EFCAB5: variants seen among roughly 807,000 people sequenced by gnomAD.
The protein encoded by EFCAB5 is EF-hand calcium-binding domain-containing protein 5.
Under a neutral mutation model 167.9 loss-of-function variants are expected in EFCAB5, and 131 were observed. The ratio of observed to expected loss-of-function variants is 0.78; its 90% CI spans 0.68 to 0.90. The LOEUF (loss-of-function observed/expected upper bound fraction) is 0.90. Among genes scored for constraint, EFCAB5 ranks in the 40% least tolerant of loss-of-function variants. The pLI, the probability that EFCAB5 is intolerant of heterozygous loss-of-function variation, is 0.00. For missense variants in EFCAB5, 1,663 were observed against 1,745.2 expected (o/e 0.95, Z 0.84); for synonymous variants, 574 against 602.8 (o/e 0.95, Z 0.70).
intron 7 of EFCAB5, among the ~76,000 whole-genome samples, chr17:30,007,091 G>T (rs889705944): frequency 6.6e-6 from 1 of 152,112 alleles, no homozygotes; most frequent in Non-Finnish European, 1.5e-5. Flanking sequence ...ATCAAAACCA[G>T]AAGAATGGAA....
At chr17:29,997,764 A>G (rs1238246388) in intron 6 of EFCAB5, among the ~76,000 whole-genome samples, 1 of 152,152 alleles carries the variant, frequency 6.6e-6, no homozygotes, top group Non-Finnish European at 1.5e-5. Flanking sequence ...ATGTGCAAGA[A>G]TTCCATGTGT....
At chr17:29,978,084 T>C (rs1597611472) in intron 4 of EFCAB5, among the ~76,000 whole-genome samples, 1 of 152,328 alleles carries the variant, frequency 6.6e-6, no homozygotes, top group South Asian at 2.1e-4. Flanking sequence ...CTTCCTGAGT[T>C]GCCAGGAGAC....
At chr17:30,055,333 GA>G (rs2070225449) in intron 10 of EFCAB5, among the ~76,000 whole-genome samples, 3 of 136,000 alleles carry the variant, frequency 2.2e-5, no homozygotes, top group South Asian at 2.5e-4. Context: ...AGGAAGGAAG[GA>G]AGGAAGGAAG....
chr17:30,087,256 C>T (rs2071107903), intron 19 of EFCAB5, 90 bp downstream of exon 19: 3 of 975,680 alleles, frequency 3.1e-6, no homozygotes, highest in East Asian at 2.5e-5. Context: ...GACTCTTGCT[C>T]ATACACGCTG....
At chr17:30,098,305 G>A (rs181525700) in intron 22 of EFCAB5, among the ~76,000 whole-genome samples, 53 of 151,450 alleles carry the variant, frequency 3.5e-4, no homozygotes, top group Admixed American at 2.9e-3. Context: ...TGGGCTGATC[G>A]CTTGAGCCCA....
chr17:30,014,106 T>C (rs945475743), intron 7 of EFCAB5, among the ~76,000 whole-genome samples: 1 of 152,174 alleles, frequency 6.6e-6, no homozygotes, highest in Non-Finnish European at 1.5e-5. Flanking sequence ...CACGTAGTTG[T>C]GTGGTTTTGA....
intron 14 of EFCAB5, among the ~76,000 whole-genome samples, chr17:30,074,991 A>G (rs1418307123): frequency 6.6e-6 from 1 of 152,098 alleles, no homozygotes; most frequent in Non-Finnish European, 1.5e-5. Flanking sequence ...ACACATTTAT[A>G]TCTGTACATA....
chr17:30,079,396 T>C (rs752824315), intron 15 of EFCAB5, among the ~76,000 whole-genome samples: 1 of 152,130 alleles, frequency 6.6e-6, no homozygotes, highest in African/African-American at 2.4e-5. Flanking sequence ...CCCAAATATA[T>C]AGAAAGAGGA....
At chr17:30,031,567 G>A (rs1030246547) in intron 7 of EFCAB5, among the ~76,000 whole-genome samples, 6 of 152,152 alleles carry the variant, frequency 3.9e-5, no homozygotes, top group African/African-American at 1.4e-4. Flanking sequence ...AACTCAGTGA[G>A]GTAACTACTA....
chr17:30,038,471 T>C (rs546527099), intron 8 of EFCAB5, among the ~76,000 whole-genome samples: 20 of 152,230 alleles, frequency 1.3e-4, no homozygotes, highest in Non-Finnish European at 2.5e-4. Flanking sequence ...TGCGCCTGGT[T>C]AACCAAGAGC....
chr17:30,016,080 T>C (rs1303886273), intron 7 of EFCAB5, among the ~76,000 whole-genome samples: 1 of 152,208 alleles, frequency 6.6e-6, no homozygotes, highest in Non-Finnish European at 1.5e-5. Flanking sequence ...TTGGGTTGTC[T>C]TTTTATTATT....
chr17:29,952,778 G>A (rs60692045), intron 3 of EFCAB5, among the ~76,000 whole-genome samples: 3,313 of 152,206 alleles, frequency 0.022, 112 homozygotes, highest in African/African-American at 0.075. Context: ...CAAAGTAGCA[G>A]TCTATGGGAG....
At chr17:29,963,695 GT>G (rs2067768316) in intron 3 of EFCAB5, among the ~76,000 whole-genome samples, 1 of 152,166 alleles carries the variant, frequency 6.6e-6, no homozygotes, top group South Asian at 2.1e-4. Flanking sequence ...TTGTTGGGAA[GT>G]TTCTGATCAC....
intron 4 of EFCAB5, among the ~76,000 whole-genome samples, chr17:29,992,865 T>A (rs1055619828): frequency 1.3e-5 from 2 of 152,206 alleles, no homozygotes; most frequent in African/African-American, 4.8e-5. Context: ...GGAACCTCCC[T>A]ACCATTTTCC....
At chr17:30,073,754 C>A in intron 14 of EFCAB5, 1 of 675,160 alleles carries the variant, frequency 1.5e-6, no homozygotes, top group South Asian at 1.6e-5. Context: ...CCCTATGCAT[C>A]CCATACTCCT....
At position 30,053,817 on chromosome 17, in the gene EFCAB5, G is replaced by A; in HGVS notation, c.1863G>A (p.Gly621=). 6.2e-7 allele frequency: 1 copy of A among 1,613,926 alleles called. No homozygotes were observed. The highest frequency in any genetic ancestry group is 1.1e-5 in the South Asian group (1 of 91,078). ...ESIAEQDRHK[G]SVAEQGSRRM... ...TTGCAGAACAAGATCGACACAAAGG[G>A]TCAGTAGCAGAACAAGGATCACGCA... The change falls in exon 10 of 23, where the codon GGG becomes GGA. Residue 621 remains glycine (G), a synonymous_variant. Coordinates refer to ENST00000394835, the MANE Select transcript of EFCAB5 (RefSeq NM_198529.4).
chr17:30,053,967 A>G lies in EFCAB5; in HGVS notation c.2013A>G (p.Ser671=), dbSNP rs200049056. 1,341 of 1,613,874 alleles carry G rather than the reference A, an allele frequency of 8.3e-4. 8 individuals are homozygous for G. The highest frequency in any genetic ancestry group is 5.6e-3 in the Middle Eastern group (34 of 6,062). The change falls in exon 10 of 23, where the codon TCA becomes TCG. Residue 671 remains serine (S), a synonymous_variant. Transcript: ENST00000394835. The part of the protein sequence containing the change: ...SEEQEDIGST[S]QSRKDSILKS... ...AGCAAGAAGACATAGGCTCAACTTC[A>G]CAATCAAGAAAAGATAGTATCTTAA...
chr17:29,993,010 C>T (rs2068455837), intron 4 of EFCAB5, among the ~76,000 whole-genome samples, 155 bp from the exon 5 acceptor site: 1 of 152,090 alleles, frequency 6.6e-6, no homozygotes, highest in African/African-American at 2.4e-5. Context: ...TCAATAAGTG[C>T]TTGTGGAAGA....
At chr17:29,932,329 T>C (rs2067207934) in intron 1 of EFCAB5, among the ~76,000 whole-genome samples, 1 of 150,982 alleles carries the variant, frequency 6.6e-6, no homozygotes, top group South Asian at 2.1e-4. Flanking sequence ...TTTTATATTT[T>C]TAGTAGGGAC....
Sources: gnomAD v4.1 joint callset for allele counts (sites outside exome capture counted in the v4.1 genomes callset) on GRCh38, gnomAD v4.1.1 for gene constraint, MANE v1.5 for transcripts, NCBI Gene and HGNC (gene_info 2026-07-23, HGNC 2026-07-21) for gene names.